Variants in NELL1 observed in about 807,000 individuals in gnomAD.
NELL1 encodes neural EGFL like 1.
NELL1 carries 76 observed loss-of-function variants against 107.4 expected under a neutral mutation model. The ratio of observed to expected loss-of-function variants is 0.71; its 90% CI spans 0.59 to 0.86. The LOEUF (loss-of-function observed/expected upper bound fraction) is 0.86. Ranked by LOEUF, NELL1 falls within the 40% of genes least tolerant of loss-of-function variation. The pLI is 0.00. For missense variants in NELL1, 1,024 were observed against 1,005.5 expected, an observed-to-expected ratio of 1.02 and a Z score of -0.25; for synonymous variants, 353 against 341.2, an observed-to-expected ratio of 1.03 and a Z score of -0.38.
intron 2 of NELL1, among the ~76,000 whole-genome samples, chr11:20,721,179 G>GTATATATATATATATATATATA (rs1368182153): frequency 3.8e-4 from 12 of 31,958 alleles, no homozygotes; most frequent in Admixed American, 9.3e-4. Context: ...TATATATTTT[G>GTATATATATATATATATATATA]TGTATATATA....
At chr11:21,546,807 GT>G (rs756441146) in intron 16 of NELL1, among the ~76,000 whole-genome samples, 15 of 152,046 alleles carry the variant, frequency 9.9e-5, no homozygotes, top group South Asian at 4.1e-4. Flanking sequence ...ATATTGAATA[GT>G]TTTTTGTTCT....
At position 21,484,018 on chromosome 11, in the gene NELL1, T is replaced by C. The variant is rs948251422; in HGVS notation, c.1646-50356T>C. On this transcript the variant is annotated intron_variant, in intron 15 of 19. Coordinates refer to ENST00000357134, the MANE Select transcript of NELL1 (RefSeq NM_006157.5). Reference sequence around the variant, plus strand: ...ATATATATATATATATATATATATATATATATATATATATGTCAAATGTGA... The same window carrying C: ...ATATATATATATATATATATATATACATATATATATATATGTCAAATGTGA... 9.1e-5 allele frequency among the ~76,000 whole-genome samples: 10 copies of C among 110,380 alleles called. 1 individual carries two copies. Among genetic ancestry groups the C allele is most frequent in the African/African-American group, 3.1e-4 (10 of 32,594 alleles). The allele number at this position is 110,380 out of a possible 152,430, so 72.4% of individuals were successfully genotyped here. A position where few individuals can be genotyped will look rare whatever the true frequency, so the allele number is the denominator to read the frequency against.
intron 12 of NELL1, among the ~76,000 whole-genome samples, chr11:21,009,422 G>C (rs1209353559): frequency 2.0e-5 from 3 of 152,136 alleles, no homozygotes; most frequent in Non-Finnish European, 4.4e-5. Context: ...CTGATGAGGA[G>C]AGTAATAAAA....
chr11:21,238,841 G>C (rs1004301592), intron 14 of NELL1, among the ~76,000 whole-genome samples: 3 of 152,094 alleles, frequency 2.0e-5, no homozygotes, highest in Admixed American at 2.0e-4. Flanking sequence ...TGATATTTCT[G>C]TTTACTAGCT....
At chr11:21,030,218 C>T (rs888915769) in intron 12 of NELL1, among the ~76,000 whole-genome samples, 3 of 152,084 alleles carry the variant, frequency 2.0e-5, no homozygotes, top group Non-Finnish European at 2.9e-5. Flanking sequence ...CCTTGCATGT[C>T]GGATGTAGGA....
chr11:21,509,953 A>G (rs1199640197), intron 15 of NELL1, among the ~76,000 whole-genome samples: 1 of 152,174 alleles, frequency 6.6e-6, no homozygotes, highest in Admixed American at 6.5e-5. Context: ...AACTATTACC[A>G]TTTATATTTT....
intron 13 of NELL1, among the ~76,000 whole-genome samples, chr11:21,165,468 A>G (rs1012116706): frequency 6.6e-6 from 1 of 152,158 alleles, no homozygotes; most frequent in African/African-American, 2.4e-5. Flanking sequence ...TTTTCAATAA[A>G]TGAACTCTTG....
intron 2 of NELL1, among the ~76,000 whole-genome samples, chr11:20,721,723 C>A (rs1288511544): frequency 6.6e-6 from 1 of 151,986 alleles, no homozygotes; most frequent in Non-Finnish European, 1.5e-5. Context: ...TAGAAAAGTT[C>A]GGGGAGATAG....
chr11:21,570,707 T>G, intron 17 of NELL1, 57 bp from the exon 18 acceptor site: 4 of 1,537,420 alleles, frequency 2.6e-6, no homozygotes, highest in Non-Finnish European at 3.6e-6. Context: ...TTTCTCTTAG[T>G]GTAGCTGTCC....
chr11:21,483,043 G>A (rs192556039), intron 15 of NELL1, among the ~76,000 whole-genome samples: 12 of 151,562 alleles, frequency 7.9e-5, no homozygotes, highest in East Asian at 3.9e-4. Flanking sequence ...GCTGGAGTGC[G>A]GTGGAGTGAT....
chr11:21,496,405 C>CTTTT lies in NELL1; in HGVS notation c.1646-37967_1646-37966insTTTT, dbSNP rs1206711700. 3.4e-4 allele frequency among the ~76,000 whole-genome samples: 48 copies of CTTTT among 141,276 alleles called. 1 individual carries two copies. In the East Asian group the frequency reaches 7.2e-3, roughly 21 times the overall value. 92.7% of individuals were successfully genotyped at this position (141,276 alleles called of 152,430 possible). ...AATTTAAACATATTTTTATTCTTCT[C>CTTTT]TTGTTTTTTTTTTTTTTTTTCTTGA... On this transcript the variant is annotated intron_variant, in intron 15 of 19. Transcript: ENST00000357134.
At position 21,236,155 on chromosome 11, in the gene NELL1, A is replaced by T. The variant is rs1858201263; in HGVS notation, c.1549+6701A>T. Among the ~76,000 whole-genome samples, 3 of 152,088 alleles carry T rather than the reference A, an allele frequency of 2.0e-5. No homozygotes were observed. In the South Asian group the frequency reaches 6.2e-4, roughly 31 times the overall value. ...TCTTCTTCCAACTGAAATCCTATTC[A>T]TCCCTCACAGTCCAGCTCAAATCCC... On this transcript the variant is annotated intron_variant, in intron 14 of 19. Transcript: ENST00000357134.
intron 3 of NELL1, among the ~76,000 whole-genome samples, chr11:20,829,712 T>C (rs1298790082): frequency 6.6e-6 from 1 of 152,188 alleles, no homozygotes; most frequent in Non-Finnish European, 1.5e-5. Context: ...TTTGACACTT[T>C]TGAAGAGTAT....
chr11:21,454,539 T>C (rs975158471), intron 15 of NELL1, among the ~76,000 whole-genome samples: 1 of 152,224 alleles, frequency 6.6e-6, no homozygotes, highest in African/African-American at 2.4e-5. Flanking sequence ...ATTAGTTTTA[T>C]TTTAAATACA....
chr11:21,246,000 A>T (rs953420460), intron 14 of NELL1, among the ~76,000 whole-genome samples: 1 of 152,156 alleles, frequency 6.6e-6, no homozygotes, highest in Non-Finnish European at 1.5e-5. Flanking sequence ...ACCAGATTCA[A>T]ATTATTCCAT....
intron 15 of NELL1, among the ~76,000 whole-genome samples, chr11:21,437,388 T>G (rs913946993): frequency 2.0e-5 from 3 of 152,222 alleles, no homozygotes; most frequent in African/African-American, 7.2e-5. Flanking sequence ...AGATGAAGTT[T>G]CACTCTTGTT....
intron 14 of NELL1, chr11:21,283,989 T>G (rs971353358): frequency 5.7e-6 from 2 of 351,200 alleles, no homozygotes; most frequent in South Asian, 2.2e-5. Context: ...ACTGAACTTA[T>G]GCTGCCTGTC....
At chr11:21,044,757 G>C (rs1853316141) in intron 12 of NELL1, among the ~76,000 whole-genome samples, 1 of 152,138 alleles carries the variant, frequency 6.6e-6, no homozygotes, top group African/African-American at 2.4e-5. Context: ...GTTGGAGGAT[G>C]AGAGTGTTTC....
chr11:20,920,888 T>A (rs1850362783), intron 7 of NELL1, among the ~76,000 whole-genome samples: 1 of 148,672 alleles, frequency 6.7e-6, no homozygotes, highest in Non-Finnish European at 1.5e-5. Context: ...AAACAGCAAA[T>A]TTTTTAATCC....
Sources: allele counts gnomAD v4.1 joint callset (sites outside exome capture counted in the v4.1 genomes callset), GRCh38; gene constraint gnomAD v4.1.1; transcripts MANE v1.5; gene names NCBI Gene and HGNC (gene_info 2026-07-23, HGNC 2026-07-21).